The following SMYD2 variants were observed in gnomAD, a reference collection of about 807,000 sequenced individuals.
SMYD2 encodes the protein SET and MYND domain containing 2.
In SMYD2, 53 loss-of-function variants were observed where a neutral mutation model predicts 59.1. The observed-to-expected ratio is 0.90, with a 90% CI of 0.72 to 1.13. SMYD2 has a LOEUF of 1.13. SMYD2 is among the 50% of genes most tolerant of loss of function. The pLI is 0.00. For synonymous variants in SMYD2, 208 were observed against 198.8 expected, an observed-to-expected ratio of 1.05 and a Z score of -0.39; for missense variants, 494 against 544.7, an observed-to-expected ratio of 0.91 and a Z score of 0.93.
chr1:214,292,558 A>C (rs1489487404), intron 1 of SMYD2, among the ~76,000 whole-genome samples: 1 of 152,244 alleles, frequency 6.6e-6, no homozygotes, highest in Non-Finnish European at 1.5e-5. Context: ...AGCCTCTGTT[A>C]CTGCAATAAA....
intron 10 of SMYD2, chr1:214,332,760 T>A (rs1657376659): frequency 6.5e-6 from 1 of 152,828 alleles, no homozygotes; most frequent in African/African-American, 2.4e-5. Context: ...CTGAGAGGGT[T>A]ACTAAACCTA....
At chr1:214,329,117 G>T (rs1657309449) in intron 7 of SMYD2, among the ~76,000 whole-genome samples, 1 of 152,188 alleles carries the variant, frequency 6.6e-6, no homozygotes, top group African/African-American at 2.4e-5. Context: ...GTTTCCTTTT[G>T]CCCTTATGTT....
chr1:214,294,868 G>A (rs1308033763), intron 1 of SMYD2, among the ~76,000 whole-genome samples: 1 of 152,152 alleles, frequency 6.6e-6, no homozygotes, highest in African/African-American at 2.4e-5. Flanking sequence ...GAGGAATACT[G>A]TTAGGAGTAT....
intron 6 of SMYD2, among the ~76,000 whole-genome samples, chr1:214,326,225 GAGACTCCATCTCAAAAAAAAA>G (rs1558056908): frequency 1.5e-5 from 2 of 137,068 alleles, no homozygotes; most frequent in Non-Finnish European, 3.1e-5. Flanking sequence ...ACAACAAACC[GAGACTCCATCTCAAAAAAAAA>G]AAAAAAAAAA....
At position 214,281,435 on chromosome 1, in the gene SMYD2, GGC is replaced by G; in HGVS notation, c.173+10_173+11del. 1.4e-6 allele frequency: 2 copies of G among 1,388,576 alleles called. No individual in the cohort carries two copies. The allele number at this position is 1,388,576 out of a possible 1,614,324, so 86.0% of individuals were successfully genotyped here. A position where few individuals can be genotyped will look rare whatever the true frequency, so the allele number is the denominator to read the frequency against. On this transcript the variant is annotated intron_variant, in intron 1 of 11. Coordinates refer to ENST00000366957, the MANE Select transcript of SMYD2 (RefSeq NM_020197.3). ...CGAGTACTGCTTCACCAGGTAGGGC[GGC>G]GGCGGCGGCGGCGGCGGGCGGGAGC...
In SMYD2 at chr1:214,286,094, T is replaced by C. The variant is rs77128432; in HGVS notation, c.173+4667T>C. Among the ~76,000 whole-genome samples, 385 of 152,330 alleles carry C rather than the reference T, an allele frequency of 2.5e-3. 1 individual carries two copies. The highest frequency in any genetic ancestry group is 8.6e-3 in the African/African-American group (357 of 41,572). The stretch of plus-strand genomic sequence containing the variant: ...GGACTTTGTGGCAGGTGGACTGGGT[T>C]TGAATTCTGGTTTCATTCTTTCCTG... On this transcript the variant is annotated intron_variant, in intron 1 of 11. Coordinates refer to ENST00000366957, the MANE Select transcript of SMYD2 (RefSeq NM_020197.3).
intron 1 of SMYD2, among the ~76,000 whole-genome samples, chr1:214,284,254 G>GTT (rs34049644): frequency 0.15 from 13,169 of 89,898 alleles, 1,727 homozygotes; most frequent in African/African-American, 0.25. Flanking sequence ...TTTTGGTGTG[G>GTT]TTTTTTTTTT....
At chr1:214,281,718 C>T (rs1656453170) in intron 1 of SMYD2, among the ~76,000 whole-genome samples, 1 of 152,212 alleles carries the variant, frequency 6.6e-6, no homozygotes, top group Non-Finnish European at 1.5e-5. Flanking sequence ...AGGTTCCTGC[C>T]CTCAAATGTG....
intron 5 of SMYD2, among the ~76,000 whole-genome samples, chr1:214,324,129 G>A (rs1657219103): frequency 6.6e-6 from 1 of 151,938 alleles, no homozygotes; most frequent in Non-Finnish European, 1.5e-5. Flanking sequence ...TAGAGATGGG[G>A]TTTCTCCATG....
intron 11 of SMYD2, 87 bp from the exon 12 acceptor site, chr1:214,336,617 C>G: frequency 8.4e-7 from 1 of 1,190,466 alleles, no homozygotes; most frequent in South Asian, 1.4e-5. Flanking sequence ...TGCCTTAAAG[C>G]AGAGAGATCC....
intron 1 of SMYD2, among the ~76,000 whole-genome samples, chr1:214,303,504 G>C (rs989499897): frequency 2.6e-5 from 4 of 152,160 alleles, no homozygotes; most frequent in Admixed American, 2.6e-4. Context: ...AGCTAAATTA[G>C]CGGGTTCCTT....
chr1:214,335,104 G>A (rs1427406561), intron 11 of SMYD2, among the ~76,000 whole-genome samples: 2 of 152,242 alleles, frequency 1.3e-5, no homozygotes, highest in Non-Finnish European at 2.9e-5. Flanking sequence ...TAATTTAGGG[G>A]ATAGTCCATT....
At chr1:214,324,763 AT>A (rs71556605) in intron 6 of SMYD2, 55 bp downstream of exon 6, 186 of 1,498,766 alleles carry the variant, frequency 1.2e-4, no homozygotes, top group South Asian at 1.7e-4. Context: ...CACTAATTTG[AT>A]TTTTTTTTCA....
chr1:214,320,630 GA>G (rs1325006446), intron 5 of SMYD2, among the ~76,000 whole-genome samples: 1 of 151,942 alleles, frequency 6.6e-6, no homozygotes, highest in Non-Finnish European at 1.5e-5. Context: ...TGTCTATAAA[GA>G]AAAAAAGTGA....
intron 2 of SMYD2, among the ~76,000 whole-genome samples, chr1:214,310,638 AAAAGCAT>A (rs755035252): frequency 5.8e-4 from 88 of 152,278 alleles, no homozygotes; most frequent in Non-Finnish European, 1.1e-3. Flanking sequence ...TAACATTTAA[AAAAGCAT>A]AAAGAGTTGC....
chr1:214,308,666 C>G (rs1656952137), intron 2 of SMYD2, among the ~76,000 whole-genome samples: 1 of 152,148 alleles, frequency 6.6e-6, no homozygotes, highest in Non-Finnish European at 1.5e-5. Flanking sequence ...GGCCCTACCC[C>G]CCTGGAGTCA....
chr1:214,284,068 G>T (rs1656491333), intron 1 of SMYD2, among the ~76,000 whole-genome samples: 1 of 152,134 alleles, frequency 6.6e-6, no homozygotes, highest in Non-Finnish European at 1.5e-5. Context: ...TCTCAGTCTG[G>T]TGGGTGCCAT....
At chr1:214,304,568 A>AAAAAAC (rs1656886185) in intron 1 of SMYD2, among the ~76,000 whole-genome samples, 1 of 150,840 alleles carries the variant, frequency 6.6e-6, no homozygotes, top group Non-Finnish European at 1.5e-5. Context: ...CAAAAAAAAA[A>AAAAAAC]AAAAAAAAAA....
At chr1:214,299,195 T>C (rs1199926960) in intron 1 of SMYD2, among the ~76,000 whole-genome samples, 3 of 152,120 alleles carry the variant, frequency 2.0e-5, no homozygotes, top group Non-Finnish European at 2.9e-5. Flanking sequence ...CTGGTGAGGC[T>C]GTGGAGAAAA....
Sources: gnomAD v4.1 joint callset for allele counts (sites outside exome capture counted in the v4.1 genomes callset) on GRCh38, gnomAD v4.1.1 for gene constraint, MANE v1.5 for transcripts, NCBI Gene and HGNC (gene_info 2026-07-23, HGNC 2026-07-21) for gene names.